Variants in COL5A2 observed in about 807,000 individuals in gnomAD.
COL5A2 encodes collagen alpha-2(V) chain.
In COL5A2, 23 loss-of-function variants were observed where a neutral mutation model predicts 208.2. The ratio of observed to expected loss-of-function variants is 0.11; its 90% CI spans 0.08 to 0.16. COL5A2 has a LOEUF of 0.16. Ranked by LOEUF, COL5A2 falls within the 10% of genes least tolerant of loss-of-function variation. COL5A2 has a pLI of 1.00. For missense variants in COL5A2, 1,590 were observed against 1,956.4 expected (o/e 0.81, Z 3.53); for synonymous variants, 625 against 628.5 (o/e 0.99, Z 0.08).
the COL5A2 span, among the ~76,000 whole-genome samples, chr2:189,271,860 G>C: frequency 7.2e-5 from 11 of 152,288 alleles, no homozygotes; most frequent in African/African-American, 2.4e-4. Context: ...GATATGAACA[G>C]ACACTTCTCA....
intron 1 of COL5A2, among the ~76,000 whole-genome samples, chr2:189,124,014 G>C (rs1487027560): frequency 6.6e-6 from 1 of 152,136 alleles, no homozygotes; most frequent in Non-Finnish European, 1.5e-5. Context: ...GACTAAGAGA[G>C]TGGAAAAGTG....
In COL5A2 at chr2:189,063,453, T is replaced by C. The variant is rs184777433; in HGVS notation, c.1771-183A>G. 3.1e-3 allele frequency among the ~76,000 whole-genome samples: 479 copies of C among 152,354 alleles called. 5 individuals carry two copies. Among genetic ancestry groups the C allele is most frequent in the Admixed American group, 0.028 (431 of 15,306 alleles). On this transcript the variant is annotated intron_variant, in intron 26 of 53. Transcript: ENST00000374866. Reference sequence around the variant, plus strand: ...AAAACACTGAAGTATTTTAAGTAACTAGAAGAGAGATTTTATTCTTATTCT... The same window carrying C: ...AAAACACTGAAGTATTTTAAGTAACCAGAAGAGAGATTTTATTCTTATTCT...
At chr2:189,218,363 A>T (rs553519260) in intron 1 of COL5A2, among the ~76,000 whole-genome samples, 1 of 152,246 alleles carries the variant, frequency 6.6e-6, no homozygotes, top group South Asian at 2.1e-4. Context: ...AGAGGAGAAG[A>T]CCATATGACA....
chr2:189,121,735 T>TAAAAA (rs1576540807), intron 1 of COL5A2, among the ~76,000 whole-genome samples: 1 of 4,338 alleles, frequency 2.3e-4, no homozygotes, highest in African/African-American at 2.9e-4. Context: ...AGACTCCGTC[T>TAAAAA]CAAAAAAAAA....
the COL5A2 span, chr2:189,311,496 G>T: frequency 9.3e-7 from 1 of 1,077,158 alleles, no homozygotes; most frequent in Non-Finnish European, 1.4e-6. Context: ...CCCTCTGCCC[G>T]AGTCTGTGCC....
chr2:189,271,712 G>GT, the COL5A2 span, among the ~76,000 whole-genome samples: 1 of 152,150 alleles, frequency 6.6e-6, no homozygotes, highest in Non-Finnish European at 1.5e-5. Context: ...TATCAACAGA[G>GT]TGAACAGGCA....
At chr2:189,258,658 G>C in the COL5A2 span, among the ~76,000 whole-genome samples, 3 of 152,168 alleles carry the variant, frequency 2.0e-5, no homozygotes, top group Admixed American at 6.5e-5. Flanking sequence ...TTGAGTCTGT[G>C]TGGGAGACTT....
At chr2:189,278,614 C>G in the COL5A2 span, among the ~76,000 whole-genome samples, 2 of 152,076 alleles carry the variant, frequency 1.3e-5, no homozygotes, top group African/African-American at 4.8e-5. Context: ...ACACTCCGAG[C>G]TTTCAACCTG....
chr2:189,245,879 T>TG, the COL5A2 span, among the ~76,000 whole-genome samples: 2 of 152,224 alleles, frequency 1.3e-5, no homozygotes, highest in African/African-American at 4.8e-5. Flanking sequence ...CAACTTTTGT[T>TG]TAGTACAACT....
the COL5A2 span, among the ~76,000 whole-genome samples, chr2:189,292,817 T>C: frequency 2.6e-5 from 4 of 152,120 alleles, no homozygotes; most frequent in African/African-American, 4.8e-5. Context: ...ATGTTTATTG[T>C]GGCACTATTC....
intron 1 of COL5A2, among the ~76,000 whole-genome samples, chr2:189,211,259 T>C (rs139979900): frequency 1.3e-5 from 2 of 152,336 alleles, no homozygotes; most frequent in African/African-American, 4.8e-5. Context: ...TTCCAAAATT[T>C]CATTGTTCTT....
At chr2:189,112,473 T>C (rs1304542780) in intron 1 of COL5A2, among the ~76,000 whole-genome samples, 1 of 152,216 alleles carries the variant, frequency 6.6e-6, no homozygotes, top group East Asian at 1.9e-4. Flanking sequence ...TTAATAAAGC[T>C]GGAATAAAAA....
At chr2:189,042,827 G>T in intron 48 of COL5A2, 54 bp from the exon 49 acceptor site, 3 of 1,519,982 alleles carry the variant, frequency 2.0e-6, no homozygotes, top group Non-Finnish European at 2.7e-6. Flanking sequence ...CCTGCATTGT[G>T]CCATTCTCAA....
Position 189,036,802 on chromosome 2 carries a change from A to G in COL5A2, c.3927T>C (p.Gly1309=). ...CTTGGTTAGGATCAATCCAGTATTCACCTATTTTTCAAAATAGAAATTTTA... is the reference window on the plus strand; with the variant it reads ...CTTGGTTAGGATCAATCCAGTATTCGCCTATTTTTCAAAATAGAAATTTTA... ...LKLCHSAKQS[G]EYWIDPNQGS... Residue 1309 remains glycine, a splice_region_variant and synonymous_variant, in exon 52 of 54, where the codon GGT becomes GGC. Coordinates refer to ENST00000374866, the MANE Select transcript of COL5A2 (RefSeq NM_000393.5). 6.2e-7 allele frequency: 1 copy of G among 1,608,850 alleles called. No homozygotes were observed. The highest frequency in any genetic ancestry group is 8.5e-7 in the Non-Finnish European group (1 of 1,176,358).
the COL5A2 span, among the ~76,000 whole-genome samples, chr2:189,243,940 C>G: frequency 5.9e-5 from 9 of 152,172 alleles, no homozygotes; most frequent in African/African-American, 2.2e-4. Flanking sequence ...GTGGCTTGCA[C>G]CCTCTGAAGC....
chr2:189,057,464 T>C, intron 33 of COL5A2, 37 bp from the exon 34 acceptor site: 14 of 1,449,282 alleles, frequency 9.7e-6, no homozygotes, highest in Non-Finnish European at 1.3e-5. Context: ...ATACCAATAA[T>C]ATTAAGATTA....
the COL5A2 span, among the ~76,000 whole-genome samples, chr2:189,325,032 T>C: frequency 6.6e-6 from 1 of 151,860 alleles, no homozygotes; most frequent in African/African-American, 2.4e-5. Flanking sequence ...ATGGATGAAG[T>C]TGGAAACCAT....
intron 1 of COL5A2, among the ~76,000 whole-genome samples, chr2:189,209,549 A>C (rs1366325680): frequency 5.9e-5 from 9 of 152,210 alleles, no homozygotes; most frequent in Non-Finnish European, 1.3e-4. Flanking sequence ...CAGGTCACAC[A>C]GATAGTAGTG....
chr2:189,353,493 A>C, the COL5A2 span, among the ~76,000 whole-genome samples: 2 of 152,150 alleles, frequency 1.3e-5, no homozygotes, highest in Admixed American at 1.3e-4. Context: ...TTCTCCTTGA[A>C]AAGGTCCTTC....
Sources: allele counts gnomAD v4.1 joint callset (sites outside exome capture counted in the v4.1 genomes callset), GRCh38; gene constraint gnomAD v4.1.1; transcripts MANE v1.5; gene names NCBI Gene and HGNC (gene_info 2026-07-23, HGNC 2026-07-21).